The following NKAIN2 variants were observed in gnomAD, a reference collection of about 807,000 sequenced individuals.
The protein encoded by NKAIN2 is sodium/potassium-transporting ATPase subunit beta-1-interacting protein 2.
NKAIN2 carries 14 observed loss-of-function variants against 32.6 expected under a neutral mutation model. The ratio of observed to expected loss-of-function variants is 0.43; its 90% confidence interval spans 0.28 to 0.67. The LOEUF (loss-of-function observed/expected upper bound fraction) is 0.67. Among genes scored for constraint, NKAIN2 ranks in the 30% least tolerant of loss-of-function variants. The probability of loss-of-function intolerance (pLI) is 0.17; values close to 1 mark genes in which losing one functional copy is unlikely to be tolerated. For synonymous variants in NKAIN2, 80 were observed against 87.2 expected (o/e 0.92, Z 0.46); for missense variants, 198 against 258.3 (o/e 0.77, Z 1.60).
At chr6:123,813,854 C>A (rs1029239549) in intron 1 of NKAIN2, among the ~76,000 whole-genome samples, 2 of 145,634 alleles carry the variant, frequency 1.4e-5, no homozygotes, top group African/African-American at 5.1e-5. Context: ...GAGCTCTGGA[C>A]CTTTTTTTTT....
At chr6:124,801,533 G>A (rs572299380) in intron 5 of NKAIN2, among the ~76,000 whole-genome samples, 47 of 152,310 alleles carry the variant, frequency 3.1e-4, no homozygotes, top group African/African-American at 9.9e-4. Flanking sequence ...TGATACCTGA[G>A]AGAGATTCTT....
At chr6:123,867,649 T>G (rs1182919565) in intron 1 of NKAIN2, among the ~76,000 whole-genome samples, 1 of 152,214 alleles carries the variant, frequency 6.6e-6, no homozygotes, top group Non-Finnish European at 1.5e-5. Flanking sequence ...TTTCAAAATG[T>G]GTGTCTTTGC....
At position 124,197,607 on chromosome 6, in the gene NKAIN2, C is replaced by G. The variant is rs1049712235; in HGVS notation, c.55-85398C>G. ...TTTTAAAGTCAAATTTATTACATTACCATTTTGTACAGTAAAATTCACCCT... is the reference window on the plus strand; with the variant it reads ...TTTTAAAGTCAAATTTATTACATTAGCATTTTGTACAGTAAAATTCACCCT... On this transcript the variant is annotated intron_variant, in intron 1 of 6. Coordinates refer to ENST00000368417, the MANE Select transcript of NKAIN2 (RefSeq NM_001040214.3). Among the ~76,000 whole-genome samples, 13 of 152,218 alleles carry G rather than the reference C, an allele frequency of 8.5e-5. No homozygotes were observed. In the South Asian group the frequency reaches 2.3e-3, roughly 27 times the overall value.
chr6:124,758,742 C>T (rs1053689490), intron 4 of NKAIN2, among the ~76,000 whole-genome samples: 9 of 152,262 alleles, frequency 5.9e-5, no homozygotes, highest in Admixed American at 5.9e-4. Flanking sequence ...TCAATGGTTC[C>T]TCATTGTCCA....
intron 2 of NKAIN2, among the ~76,000 whole-genome samples, chr6:124,351,506 A>C (rs917818789): frequency 8.0e-6 from 1 of 125,560 alleles, no homozygotes; most frequent in African/African-American, 3.2e-5. Flanking sequence ...TCTCAAAAAA[A>C]CCAAAAAAAA....
chr6:124,147,385 G>A (rs1200465755), intron 1 of NKAIN2, among the ~76,000 whole-genome samples: 1 of 151,822 alleles, frequency 6.6e-6, no homozygotes, highest in Non-Finnish European at 1.5e-5. Flanking sequence ...CTAGAGAACA[G>A]TCTCCACCAT....
At chr6:124,306,942 A>G (rs959970445) in intron 2 of NKAIN2, among the ~76,000 whole-genome samples, 5 of 152,190 alleles carry the variant, frequency 3.3e-5, no homozygotes, top group Admixed American at 1.3e-4. Context: ...TGAAAGCTAA[A>G]TCAGTAATAA....
intron 3 of NKAIN2, among the ~76,000 whole-genome samples, chr6:124,525,030 C>T (rs749865649): frequency 4.6e-5 from 7 of 152,056 alleles, no homozygotes; most frequent in South Asian, 2.1e-4. Flanking sequence ...TGCAGTAAAG[C>T]GATACAATTG....
At position 123,825,901 on chromosome 6, in the gene NKAIN2, C is replaced by T. The variant is rs114748294; in HGVS notation, c.54+21647C>T. On this transcript the variant is annotated intron_variant, in intron 1 of 6. Coordinates refer to ENST00000368417, the MANE Select transcript of NKAIN2 (RefSeq NM_001040214.3). ...CATTAAAATGGTAACTCAAATCAGTCGAAGCACTTTTCTGGAATACTTAGA... is the reference window on the plus strand; with the variant it reads ...CATTAAAATGGTAACTCAAATCAGTTGAAGCACTTTTCTGGAATACTTAGA... Among the ~76,000 whole-genome samples the T allele has an allele frequency of 3.6e-3, 544 of 152,170 alleles. 2 individuals are homozygous for T. Among genetic ancestry groups the T allele is most frequent in the East Asian group, 0.016 (84 of 5,178 alleles).
intron 1 of NKAIN2, among the ~76,000 whole-genome samples, chr6:124,021,223 GCA>G (rs1582942073): frequency 2.0e-5 from 3 of 151,618 alleles, no homozygotes; most frequent in Admixed American, 6.6e-5. Flanking sequence ...ATTAGTGGGT[GCA>G]CACACACGTA....
chr6:124,171,547 A>ATTTTTTTTT lies in NKAIN2; in HGVS notation c.55-111444_55-111436dup, dbSNP rs10665262. Among the ~76,000 whole-genome samples, 25 of 96,466 alleles carry ATTTTTTTTT rather than the reference A, an allele frequency of 2.6e-4. 1 individual carries two copies. The highest frequency in any genetic ancestry group is 4.0e-4 in the African/African-American group (10 of 24,734). The allele number at this position is 96,466 out of a possible 152,430, so 63.3% of individuals were successfully genotyped here. The stretch of plus-strand genomic sequence containing the variant: ...GTTTTCGTAAGAGAGGGCCGATTTG[A>ATTTTTTTTT]TTTTTTTTTTTTTTTTTTTTTTGAG... On this transcript the variant is annotated intron_variant, in intron 1 of 6. Coordinates refer to ENST00000368417, the MANE Select transcript of NKAIN2 (RefSeq NM_001040214.3).
At chr6:124,533,548 T>G (rs1484686601) in intron 3 of NKAIN2, among the ~76,000 whole-genome samples, 1 of 150,998 alleles carries the variant, frequency 6.6e-6, no homozygotes, top group Non-Finnish European at 1.5e-5. Context: ...AGGATTTATG[T>G]CCTCTTCCAC....
chr6:124,737,233 G>A (rs1391347808), intron 4 of NKAIN2, among the ~76,000 whole-genome samples: 2 of 151,798 alleles, frequency 1.3e-5, no homozygotes, highest in Non-Finnish European at 2.9e-5. Flanking sequence ...GATGCGGCGG[G>A]AGCTAATTGA....
chr6:124,274,746 TTAA>T (rs1794947716), intron 1 of NKAIN2, among the ~76,000 whole-genome samples: 1 of 152,006 alleles, frequency 6.6e-6, no homozygotes, highest in Non-Finnish European at 1.5e-5. Context: ...TCAATATATA[TTAA>T]TAATTATTAT....
intron 1 of NKAIN2, among the ~76,000 whole-genome samples, chr6:124,217,282 G>A (rs768146365): frequency 3.9e-5 from 6 of 152,080 alleles, no homozygotes; most frequent in Non-Finnish European, 5.9e-5. Flanking sequence ...GATATTACAT[G>A]TGGTTATAAA....
intron 3 of NKAIN2, among the ~76,000 whole-genome samples, chr6:124,616,461 T>TGAGCTC (rs1782901806): frequency 5.0e-5 from 1 of 19,882 alleles, no homozygotes. Flanking sequence ...TTTTTTTTTT[T>TGAGCTC]TTTTTTTTTT....
At chr6:124,120,926 T>C (rs1041529888) in intron 1 of NKAIN2, among the ~76,000 whole-genome samples, 2 of 152,140 alleles carry the variant, frequency 1.3e-5, no homozygotes, top group Non-Finnish European at 2.9e-5. Context: ...TGATGAAAGT[T>C]TTTCTAAAGA....
At chr6:123,979,197 A>G (rs189598248) in intron 1 of NKAIN2, among the ~76,000 whole-genome samples, 124 of 152,280 alleles carry the variant, frequency 8.1e-4, no homozygotes, top group African/African-American at 2.8e-3. Flanking sequence ...AACTCTTAAA[A>G]TAGCTTATAT....
chr6:124,145,752 C>G (rs1267517249), intron 1 of NKAIN2, among the ~76,000 whole-genome samples: 2 of 151,934 alleles, frequency 1.3e-5, no homozygotes, highest in Non-Finnish European at 2.9e-5. Flanking sequence ...TGATCCACCC[C>G]CCTCAGCCTC....
Sources: allele counts gnomAD v4.1 joint callset (sites outside exome capture counted in the v4.1 genomes callset), GRCh38; gene constraint gnomAD v4.1.1; transcripts MANE v1.5; gene names NCBI Gene and HGNC (gene_info 2026-07-23, HGNC 2026-07-21).